GRM8: variants seen among roughly 807,000 people sequenced by gnomAD.
The protein encoded by GRM8 is metabotropic glutamate receptor 8.
Under a neutral mutation model 87.2 loss-of-function variants are expected in GRM8, and 47 were observed. The observed-to-expected ratio is 0.54, with a 90% CI of 0.43 to 0.69. The LOEUF (loss-of-function observed/expected upper bound fraction) is 0.69. Among genes scored for constraint, GRM8 ranks in the 30% least tolerant of loss-of-function variants. The pLI is 0.00. For missense variants in GRM8, 1,019 were observed against 1,139.2 expected, an observed-to-expected ratio of 0.89 and a Z score of 1.52; for synonymous variants, 396 against 404.5, an observed-to-expected ratio of 0.98 and a Z score of 0.25.
chr7:126,491,372 T>A (rs547110963), intron 9 of GRM8, among the ~76,000 whole-genome samples: 1 of 152,194 alleles, frequency 6.6e-6, no homozygotes, highest in African/African-American at 2.4e-5. Flanking sequence ...AGTGTGTCTA[T>A]TATCTTCATT....
chr7:126,651,059 G>T (rs1803797416), intron 7 of GRM8, among the ~76,000 whole-genome samples: 1 of 152,126 alleles, frequency 6.6e-6, no homozygotes, highest in South Asian at 2.1e-4. Context: ...ATCACGGAAA[G>T]GGCAGAGGTT....
At chr7:127,040,757 C>T (rs186866562) in intron 3 of GRM8, among the ~76,000 whole-genome samples, 5 of 152,228 alleles carry the variant, frequency 3.3e-5, no homozygotes, top group African/African-American at 9.6e-5. Flanking sequence ...CAAGTTACCA[C>T]ACAAACTCAT....
intron 3 of GRM8, among the ~76,000 whole-genome samples, chr7:127,094,807 T>C (rs10254174): frequency 0.012 from 1,851 of 152,330 alleles, 34 homozygotes; most frequent in African/African-American, 0.041. Context: ...ACACAGTTCA[T>C]GTGAAGCTCC....
chr7:126,501,685 T>C (rs1054580607), intron 9 of GRM8, among the ~76,000 whole-genome samples: 12 of 152,018 alleles, frequency 7.9e-5, no homozygotes, highest in Non-Finnish European at 1.8e-4. Context: ...TTCTAGAGAC[T>C]TAGCTAACTC....
At chr7:126,520,533 A>G (rs1812832157) in intron 9 of GRM8, among the ~76,000 whole-genome samples, 1 of 152,078 alleles carries the variant, frequency 6.6e-6, no homozygotes, top group Admixed American at 6.6e-5. Context: ...GAGAATGTCA[A>G]GGGAATAGTG....
intron 3 of GRM8, among the ~76,000 whole-genome samples, chr7:127,037,181 A>G (rs1817924664): frequency 6.6e-6 from 1 of 152,162 alleles, no homozygotes; most frequent in African/African-American, 2.4e-5. Context: ...CCCTTTGCTA[A>G]GGGTATAGAT....
At position 126,979,208 on chromosome 7, in the gene GRM8, A is replaced by C. The variant is rs1811292734; in HGVS notation, c.728-74525T>G. Among the ~76,000 whole-genome samples, 3 of 152,226 alleles carry C rather than the reference A, an allele frequency of 2.0e-5. No homozygotes were observed. The South Asian group carries it at 6.2e-4, about 32-fold the overall frequency. ...TCTAAATACAAAGCCAATTTAGCAC[A>C]CTCCTGAACAATTCCCTCCTTCTCT... On this transcript the variant is annotated intron_variant, in intron 3 of 10. Coordinates refer to ENST00000339582, the MANE Select transcript of GRM8 (RefSeq NM_000845.3).
Position 126,860,514 on chromosome 7 carries a change from T to A in GRM8, c.1156+42028A>T, listed in dbSNP as rs370619276. Among the ~76,000 whole-genome samples the A allele has an allele frequency of 5.3e-5, 8 of 152,324 alleles. No homozygotes were observed. In the East Asian group the frequency reaches 1.5e-3, roughly 29 times the overall value. ...TACTAAGATACTTGCAATATAGATATATTTGTGAAATTAAAACATATTATC... is the reference window on the plus strand; with the variant it reads ...TACTAAGATACTTGCAATATAGATAAATTTGTGAAATTAAAACATATTATC... On this transcript the variant is annotated intron_variant, in intron 6 of 10. Coordinates refer to ENST00000339582, the MANE Select transcript of GRM8 (RefSeq NM_000845.3).
intron 8 of GRM8, among the ~76,000 whole-genome samples, chr7:126,605,947 C>A (rs1481706063): frequency 6.6e-6 from 1 of 152,140 alleles, no homozygotes; most frequent in Non-Finnish European, 1.5e-5. Flanking sequence ...CTGTGAGTTC[C>A]CTGAGAACAG....
chr7:126,715,882 T>C (rs1330560500), intron 7 of GRM8, among the ~76,000 whole-genome samples: 3 of 152,234 alleles, frequency 2.0e-5, no homozygotes, highest in Non-Finnish European at 2.9e-5. Flanking sequence ...ATTTCCTTTA[T>C]GGATAATTCC....
intron 6 of GRM8, among the ~76,000 whole-genome samples, chr7:126,798,900 A>T (rs1260866415): frequency 1.3e-5 from 2 of 152,116 alleles, no homozygotes; most frequent in Non-Finnish European, 2.9e-5. Context: ...ACGAATGTGG[A>T]TCAGAAAGAA....
chr7:127,089,855 T>C (rs1419384658), intron 3 of GRM8, among the ~76,000 whole-genome samples: 2 of 152,142 alleles, frequency 1.3e-5, no homozygotes, highest in Non-Finnish European at 2.9e-5. Flanking sequence ...TGCCAGGAAA[T>C]AATTCATCTG....
intron 2 of GRM8, among the ~76,000 whole-genome samples, chr7:127,113,464 G>GT (rs1303647306): frequency 1.4e-4 from 19 of 139,756 alleles, no homozygotes; most frequent in South Asian, 1.1e-3. Flanking sequence ...ATGAAAAAGG[G>GT]TTTTTTTTTG....
intron 8 of GRM8, among the ~76,000 whole-genome samples, chr7:126,599,545 A>C (rs2151069196): frequency 6.6e-6 from 1 of 152,204 alleles, no homozygotes; most frequent in South Asian, 2.1e-4. Context: ...CTTGCCTCCA[A>C]TTATCTTGCT....
At chr7:127,033,663 T>C (rs1191446358) in intron 3 of GRM8, among the ~76,000 whole-genome samples, 1 of 152,166 alleles carries the variant, frequency 6.6e-6, no homozygotes. Flanking sequence ...TACCTCATCA[T>C]GGCTTTCTAT....
intron 8 of GRM8, among the ~76,000 whole-genome samples, chr7:126,590,012 A>G (rs1435425626): frequency 6.6e-6 from 1 of 152,106 alleles, no homozygotes; most frequent in East Asian, 1.9e-4. Flanking sequence ...CCAGTAATGG[A>G]TCCAAAGCAT....
At chr7:126,879,842 T>G (rs982151150) in intron 6 of GRM8, among the ~76,000 whole-genome samples, 4 of 152,208 alleles carry the variant, frequency 2.6e-5, no homozygotes, top group African/African-American at 9.6e-5. Context: ...ATTGCATATT[T>G]GTGTAGACAT....
intron 2 of GRM8, among the ~76,000 whole-genome samples, chr7:127,155,257 C>A (rs565897065): frequency 6.6e-6 from 1 of 152,050 alleles, no homozygotes; most frequent in South Asian, 2.1e-4. Context: ...GCTGGAGCAC[C>A]GAGCAAGATA....
chr7:126,664,200 T>C (rs1001780692), intron 7 of GRM8, among the ~76,000 whole-genome samples: 1 of 152,178 alleles, frequency 6.6e-6, no homozygotes, highest in African/African-American at 2.4e-5. Context: ...ATTGTTAAAA[T>C]GGTCATACTG....
Sources: allele counts gnomAD v4.1 joint callset (sites outside exome capture counted in the v4.1 genomes callset), GRCh38; gene constraint gnomAD v4.1.1; transcripts MANE v1.5; gene names NCBI Gene and HGNC (gene_info 2026-07-23, HGNC 2026-07-21).